The following MICAL2 variants were observed in gnomAD, a reference collection of about 807,000 sequenced individuals.
MICAL2 encodes the protein [F-actin]-monooxygenase MICAL2.
A neutral mutation model predicts 127.3 loss-of-function variants in MICAL2; 77 were observed. The observed-to-expected ratio is 0.60, with a 90% CI of 0.50 to 0.73. The LOEUF is 0.73. Among genes scored for constraint, MICAL2 ranks in the 30% least tolerant of loss-of-function variants. MICAL2 has a pLI of 0.00. For synonymous variants in MICAL2, 570 were observed against 551.1 expected, an observed-to-expected ratio of 1.03 and a Z score of -0.48; for missense variants, 1,351 against 1,434.4, an observed-to-expected ratio of 0.94 and a Z score of 0.94.
chr11:12,332,373 T>C (rs934599543), intron 32 of MICAL2, among the ~76,000 whole-genome samples: 2 of 152,176 alleles, frequency 1.3e-5, no homozygotes, highest in African/African-American at 4.8e-5. Flanking sequence ...TAAATACAGG[T>C]AGCCATGAAC....
chr11:12,217,522 C>A (rs548450331), intron 8 of MICAL2, among the ~76,000 whole-genome samples: 1 of 152,280 alleles, frequency 6.6e-6, no homozygotes, highest in East Asian at 1.9e-4. Context: ...CTTCCCTCTG[C>A]CTCACAGAAG....
chr11:12,198,881 G>T (rs1400185893), intron 3 of MICAL2, among the ~76,000 whole-genome samples: 4 of 152,332 alleles, frequency 2.6e-5, no homozygotes, highest in Non-Finnish European at 5.9e-5. Flanking sequence ...TGAAGCTCAG[G>T]CTGGACCTGG....
chr11:12,201,126 G>A lies in MICAL2; in HGVS notation c.265-3124G>A, dbSNP rs546718761. ...TAAAGAGCAGTGCTGGGCTTGGGAA[G>A]CGGGGCTTGGTTCTTTCCCGGTGGC... On this transcript the variant is annotated intron_variant, in intron 3 of 27. Transcript: ENST00000683283. Among the ~76,000 whole-genome samples the A allele has an allele frequency of 2.8e-4, 42 of 152,124 alleles. 2 individuals are homozygous for A. In the South Asian group the frequency reaches 8.7e-3, roughly 32 times the overall value.
At chr11:12,324,945 G>A (rs1864338563) in intron 31 of MICAL2, among the ~76,000 whole-genome samples, 1 of 152,094 alleles carries the variant, frequency 6.6e-6, no homozygotes, top group South Asian at 2.1e-4. Context: ...AACAAGACAA[G>A]TCTTATGATA....
rs145931716 is a variant in MICAL2, at chr11:12,139,739, G to A, written c.-78+1279G>A. Among the ~76,000 whole-genome samples, 552 of 152,322 alleles carry A rather than the reference G, an allele frequency of 3.6e-3. 4 individuals are homozygous for A. Among genetic ancestry groups the A allele is most frequent in the African/African-American group, 0.013 (537 of 41,566 alleles). On this transcript the variant is annotated intron_variant, in intron 2 of 27. Transcript: ENST00000683283. ...AAACTGTCCCCTCTCTGGAGAAACAGAATACAGAGTTTGTCCACAGAGGAG... is the reference window on the plus strand; with the variant it reads ...AAACTGTCCCCTCTCTGGAGAAACAAAATACAGAGTTTGTCCACAGAGGAG...
downstream of MICAL2, among the ~76,000 whole-genome samples, chr11:12,291,124 C>T (rs182119229): frequency 1.1e-4 from 17 of 152,254 alleles, no homozygotes; most frequent in African/African-American, 3.9e-4. Context: ...TGGGAAGTTT[C>T]TGGGGGACAT....
intron 3 of MICAL2, among the ~76,000 whole-genome samples, chr11:12,179,482 C>G (rs1328254068): frequency 1.3e-5 from 2 of 152,228 alleles, no homozygotes; most frequent in Non-Finnish European, 2.9e-5. Flanking sequence ...CTAACCATGA[C>G]TTGGAGCTGC....
downstream of MICAL2, among the ~76,000 whole-genome samples, chr11:12,265,684 A>G (rs1292803652): frequency 1.3e-5 from 2 of 152,226 alleles, no homozygotes; most frequent in Middle Eastern, 3.2e-3. Context: ...TTTGTTGATT[A>G]AAGAGTCAAT....
chr11:12,283,590 A>C (rs1241452207), intron 2 of MICAL2, among the ~76,000 whole-genome samples: 1 of 152,222 alleles, frequency 6.6e-6, no homozygotes, highest in African/African-American at 2.4e-5. Context: ...AAGGACATAC[A>C]TCAGTTTGGG....
At chr11:12,151,068 G>A (rs1315691027) in intron 2 of MICAL2, among the ~76,000 whole-genome samples, 1 of 152,146 alleles carries the variant, frequency 6.6e-6, no homozygotes, top group Non-Finnish European at 1.5e-5. Flanking sequence ...AGAAGCCCAT[G>A]TTCTTTCTAC....
At chr11:12,116,836 C>T (rs975564685) in intron 1 of MICAL2, 1 of 152,258 alleles carries the variant, frequency 6.6e-6, no homozygotes, top group African/African-American at 2.4e-5. Context: ...TACCACTGCA[C>T]TGTACCTGTC....
chr11:12,261,089 C>A, intron 26 of MICAL2: 4 of 985,522 alleles, frequency 4.1e-6, no homozygotes, highest in Non-Finnish European at 4.8e-6. Context: ...TTGGTCAGGC[C>A]AAGTGGAGTG....
chr11:12,302,452 A>C (rs1191342608), intron 29 of MICAL2, among the ~76,000 whole-genome samples: 1 of 151,988 alleles, frequency 6.6e-6, no homozygotes, highest in East Asian at 1.9e-4. Context: ...TGTTTTGTTG[A>C]TGTTGCTATT....
intron 16 of MICAL2, among the ~76,000 whole-genome samples, chr11:12,237,646 C>T (rs990486212): frequency 6.6e-5 from 10 of 152,204 alleles, no homozygotes; most frequent in Non-Finnish European, 1.5e-5. Context: ...CTTTCTGAGA[C>T]AGCCCTGGAC....
At chr11:12,292,392 A>G, downstream of MICAL2, 1 of 1,399,694 alleles carries the variant, frequency 7.1e-7, no homozygotes, top group South Asian at 1.2e-5. Context: ...CCACGTGCTC[A>G]TAGGTCAACC....
chr11:12,266,908 C>A (rs1310943151), downstream of MICAL2, among the ~76,000 whole-genome samples: 1 of 152,168 alleles, frequency 6.6e-6, no homozygotes, highest in Non-Finnish European at 1.5e-5. Context: ...TTGCCATGTT[C>A]TAGATAGCAC....
chr11:12,293,813 C>G, downstream of MICAL2: 1 of 1,606,422 alleles, frequency 6.2e-7, no homozygotes, highest in East Asian at 2.2e-5. Flanking sequence ...CGGAAGCAAC[C>G]ACAGAGACCC....
At chr11:12,181,527 GT>G (rs1019894227) in intron 3 of MICAL2, among the ~76,000 whole-genome samples, 1 of 152,152 alleles carries the variant, frequency 6.6e-6, no homozygotes, top group Non-Finnish European at 1.5e-5. Context: ...AAGTAAAATG[GT>G]TTTTTTAACA....
At chr11:12,143,075 G>A (rs1346907259) in intron 2 of MICAL2, among the ~76,000 whole-genome samples, 2 of 152,216 alleles carry the variant, frequency 1.3e-5, no homozygotes, top group Non-Finnish European at 2.9e-5. Context: ...GACAGTCATA[G>A]CTCCCTTATC....
Sources: allele counts gnomAD v4.1 joint callset (sites outside exome capture counted in the v4.1 genomes callset), GRCh38; gene constraint gnomAD v4.1.1; transcripts MANE v1.5; gene names NCBI Gene and HGNC (gene_info 2026-07-23, HGNC 2026-07-21).